Variants in INPP4A observed in about 807,000 individuals in gnomAD.
INPP4A encodes inositol polyphosphate-4-phosphatase, type I, 107kD.
In INPP4A, 33 loss-of-function variants were observed where a neutral mutation model predicts 119.8. That is an observed-to-expected ratio of 0.28 (90% CI 0.21 to 0.37). The LOEUF (loss-of-function observed/expected upper bound fraction) is 0.37. Among genes scored for constraint, INPP4A ranks in the 10% least tolerant of loss-of-function variants. INPP4A has a pLI of 1.00. For synonymous variants in INPP4A, 496 were observed against 500.7 expected (o/e 0.99, Z 0.12); for missense variants, 956 against 1,289.9 (o/e 0.74, Z 3.97).
At position 98,577,012 on chromosome 2, in the gene INPP4A, C is replaced by T. The variant is rs1698535545; in HGVS notation, c.2655C>T (p.Val885=). ...AGATCTGCCGCCGCCTTAATGGGGT[C>T]CGGTTCACCAGCTGCAAGAGCGCTA... The part of the protein sequence containing the change: ...AAEICRRLNG[V]RFTSCKSAKD... The change falls in exon 24 of 25, where the codon GTC becomes GTT. Residue 885 remains valine (V), a synonymous_variant. Transcript: ENST00000409851. 2 of 1,613,246 alleles carry T rather than the reference C, an allele frequency of 1.2e-6. No homozygotes were observed. Among genetic ancestry groups the T allele is most frequent in the Non-Finnish European group, 1.7e-6 (2 of 1,179,404 alleles).
At chr2:98,548,725 A>T (rs1404254084) in intron 13 of INPP4A, among the ~76,000 whole-genome samples, 1 of 152,198 alleles carries the variant, frequency 6.6e-6, no homozygotes, top group East Asian at 1.9e-4. Flanking sequence ...ATGCGGAGGT[A>T]ACTTGGCCTG....
rs182541691 is a variant in INPP4A at position 98,453,641 on chromosome 2, C to G, written c.-166+8556C>G. Among the ~76,000 whole-genome samples the G allele has an allele frequency of 3.1e-3, 473 of 152,230 alleles. 5 individuals carry two copies. Among genetic ancestry groups the G allele is most frequent in the African/African-American group, 0.011 (440 of 41,520 alleles). Reference sequence around the variant, plus strand: ...GTGCGACCTGTGACTTTTGTCAGAACCTGGTGGTCTGTGACTCGCCATAGA... The same window carrying G: ...GTGCGACCTGTGACTTTTGTCAGAAGCTGGTGGTCTGTGACTCGCCATAGA... On this transcript the variant is annotated intron_variant, in intron 1 of 24. Coordinates refer to ENST00000409851, the MANE Select transcript of INPP4A (RefSeq NM_001134225.2).
In INPP4A at chr2:98,527,059, T is replaced by A. The variant is rs59043494; in HGVS notation, c.152-6318T>A. Among the ~76,000 whole-genome samples the A allele has an allele frequency of 3.0e-3, 450 of 152,308 alleles. 3 individuals are homozygous for A. Among genetic ancestry groups the A allele is most frequent in the African/African-American group, 0.01 (422 of 41,572 alleles). On this transcript the variant is annotated intron_variant, in intron 4 of 24. Transcript: ENST00000409851. The stretch of plus-strand genomic sequence containing the variant: ...CATGAGATTTGGAGGGGACAAAACA[T>A]CCAAATCATATCAAATGGGTTCTTA...
At chr2:98,479,455 TG>T (rs1677952821) in intron 1 of INPP4A, among the ~76,000 whole-genome samples, 1 of 152,194 alleles carries the variant, frequency 6.6e-6, no homozygotes, top group South Asian at 2.1e-4. Context: ...CATCTCTGCA[TG>T]GGGATGGCTG....
At chr2:98,461,156 A>T (rs979271550) in intron 1 of INPP4A, among the ~76,000 whole-genome samples, 13 of 152,136 alleles carry the variant, frequency 8.5e-5, no homozygotes, top group Non-Finnish European at 7.4e-5. Context: ...GTAGTGAGAG[A>T]TGATTACAGG....
At chr2:98,574,362 G>C (rs770528778) in intron 23 of INPP4A, among the ~76,000 whole-genome samples, 1 of 152,116 alleles carries the variant, frequency 6.6e-6, no homozygotes, top group African/African-American at 2.4e-5. Context: ...GGGTGGCCGG[G>C]CTCGGTGGCT....
At position 98,590,852 on chromosome 2, in the gene INPP4A, CT is replaced by C; in HGVS notation, c.*3248del. 2 of 230,248 alleles carry C rather than the reference CT, an allele frequency of 8.7e-6. No homozygotes were observed. The highest frequency in any genetic ancestry group is 1.7e-5 in the Non-Finnish European group (2 of 116,228). The allele number at this position is 230,248 out of a possible 1,614,324, so 14.3% of individuals were successfully genotyped here. A position where few individuals can be genotyped will look rare whatever the true frequency, so the allele number is the denominator to read the frequency against. On this transcript the variant is annotated 3_prime_UTR_variant, in exon 25 of 25. Coordinates refer to ENST00000409851, the MANE Select transcript of INPP4A (RefSeq NM_001134225.2). Reference sequence around the variant, plus strand: ...AGCTACCACCAAAAATAACATGTGCCTTTTCCCTTTATTCTCATTGATGGTA... The same window carrying C: ...AGCTACCACCAAAAATAACATGTGCCTTTCCCTTTATTCTCATTGATGGTA...
chr2:98,455,117 T>C (rs1695892506), intron 1 of INPP4A, among the ~76,000 whole-genome samples: 1 of 152,058 alleles, frequency 6.6e-6, no homozygotes, highest in East Asian at 1.9e-4. Context: ...GGCAGGAGGA[T>C]CTCTTGAGCC....
At chr2:98,551,895 C>T (rs1234944539) in intron 13 of INPP4A, among the ~76,000 whole-genome samples, 1 of 152,330 alleles carries the variant, frequency 6.6e-6, no homozygotes, top group Non-Finnish European at 1.5e-5. Context: ...TGATTGGGAT[C>T]AGGCTAAGAG....
At chr2:98,497,737 T>C (rs762978542) in intron 1 of INPP4A, among the ~76,000 whole-genome samples, 1 of 152,208 alleles carries the variant, frequency 6.6e-6, no homozygotes, top group Non-Finnish European at 1.5e-5. Flanking sequence ...TGCAGAAGCT[T>C]GGGCGCAACT....
rs755469992 is a variant in INPP4A at position 98,587,487 on chromosome 2, G to A, written c.2798G>A (p.Arg933Gln). ...ALECMRSEGC[R>Q]RENTMKNVGS... is the part of the protein sequence containing the mutation. ...TGTTTTTTCCCCAGTGAGGGTTGTC[G>A]AAGAGAAAATACAATGAAGAATGTT... The change falls in exon 25 of 25, where the codon CGA becomes CAA. Residue 933 changes from arginine to glutamine, a missense_variant. Arg to Gln is a conservative substitution (Grantham distance 43). Around this residue, in one of 2 missense-constraint regions of INPP4A, gnomAD observed 304 missense variants for 492.1 expected, o/e 0.62. Coordinates refer to ENST00000409851, the MANE Select transcript of INPP4A (RefSeq NM_001134225.2). 3 of 1,587,778 alleles carry A rather than the reference G, an allele frequency of 1.9e-6. No homozygotes were observed. The highest frequency in any genetic ancestry group is 1.7e-6 in the Non-Finnish European group (2 of 1,169,518).
chr2:98,498,592 G>A (rs1053391703), intron 1 of INPP4A, among the ~76,000 whole-genome samples: 3 of 151,950 alleles, frequency 2.0e-5, no homozygotes, highest in African/African-American at 7.3e-5. Context: ...GGATTTGGGT[G>A]GTGATAAGAT....
intron 1 of INPP4A, among the ~76,000 whole-genome samples, chr2:98,508,172 G>T (rs865872250): frequency 1.3e-5 from 2 of 152,202 alleles, no homozygotes; most frequent in Non-Finnish European, 2.9e-5. Flanking sequence ...TAGTGGCTGG[G>T]GCAAGTCAGG....
At chr2:98,577,215 GC>G in intron 24 of INPP4A, 72 bp downstream of exon 24, 3 of 1,455,422 alleles carry the variant, frequency 2.1e-6, no homozygotes. Context: ...CTGGTACCCT[GC>G]TCCTGCCTGC....
intron 4 of INPP4A, among the ~76,000 whole-genome samples, chr2:98,526,922 A>T (rs759528115): frequency 6.6e-5 from 10 of 152,172 alleles, no homozygotes; most frequent in African/African-American, 9.7e-5. Context: ...TCAGAGCTAG[A>T]ACTCACTCAT....
chr2:98,474,014 C>T (rs1454222120), intron 1 of INPP4A, among the ~76,000 whole-genome samples: 1 of 152,184 alleles, frequency 6.6e-6, no homozygotes, highest in African/African-American at 2.4e-5. Context: ...AGCAGTTTGC[C>T]CAGCATTTTT....
At chr2:98,572,676 A>G (rs1356352830) in intron 22 of INPP4A, 139 bp from the exon 23 acceptor site, 16 of 592,044 alleles carry the variant, frequency 2.7e-5, no homozygotes, top group Non-Finnish European at 4.8e-5. Flanking sequence ...TCCTATCCCC[A>G]AACACCTCCA....
intron 1 of INPP4A, among the ~76,000 whole-genome samples, chr2:98,460,515 TTTTG>T (rs2104624491): frequency 6.6e-6 from 1 of 152,326 alleles, no homozygotes; most frequent in South Asian, 2.1e-4. Context: ...CTTTCATTCT[TTTTG>T]TTTGTGTCAT....
intron 17 of INPP4A, among the ~76,000 whole-genome samples, chr2:98,562,892 G>A (rs146984966): frequency 7.9e-5 from 12 of 152,296 alleles, no homozygotes; most frequent in Non-Finnish European, 1.6e-4. Context: ...AGGTGGGGCC[G>A]TTCTGAGGGC....
Sources: gnomAD v4.1 joint callset for allele counts (sites outside exome capture counted in the v4.1 genomes callset) on GRCh38, gnomAD v4.1.1 for gene constraint, gnomAD v4.1.1 regional missense constraint, MANE v1.5 for transcripts, NCBI Gene and HGNC (gene_info 2026-07-23, HGNC 2026-07-21) for gene names.